Variants in HS3ST5 observed in about 807,000 individuals in gnomAD.
HS3ST5 encodes the protein heparan sulfate glucosamine 3-O-sulfotransferase 5.
A neutral mutation model predicts 25.4 loss-of-function variants in HS3ST5; 10 were observed. That is an observed-to-expected ratio of 0.39 (90% CI 0.24 to 0.67). HS3ST5 has a LOEUF of 0.67. Ranked by LOEUF, HS3ST5 falls within the 30% of genes least tolerant of loss-of-function variation. HS3ST5 has a pLI of 0.44. For missense variants in HS3ST5, 324 were observed against 420.7 expected, an observed-to-expected ratio of 0.77 and a Z score of 2.01; for synonymous variants, 170 against 162.4, an observed-to-expected ratio of 1.05 and a Z score of -0.36.
chr6:114,257,912 T>C (rs978341614), intron 1 of HS3ST5, among the ~76,000 whole-genome samples: 5 of 151,946 alleles, frequency 3.3e-5, no homozygotes, highest in African/African-American at 1.2e-4. Flanking sequence ...TACTTATTGA[T>C]TGATAGATAG....
chr6:114,217,075 T>A (rs1464477261), intron 2 of HS3ST5, among the ~76,000 whole-genome samples: 1 of 152,252 alleles, frequency 6.6e-6, no homozygotes, highest in African/African-American at 2.4e-5. Context: ...TTCATACTAT[T>A]CTAACTGGCC....
At chr6:114,246,659 C>T (rs947958621) in intron 1 of HS3ST5, among the ~76,000 whole-genome samples, 1 of 152,146 alleles carries the variant, frequency 6.6e-6, no homozygotes, top group Non-Finnish European at 1.5e-5. Flanking sequence ...TCCTCCTCTT[C>T]TTAATAGTTA....
chr6:114,253,790 A>AT lies in HS3ST5; in HGVS notation c.-338-25013dup, dbSNP rs1161301971. On this transcript the variant is annotated intron_variant, in intron 1 of 4. Transcript: ENST00000312719. Reference sequence around the variant, plus strand: ...GAGATAGTATTTCAGATATTCATCTATTTTTTTCTCCCTGTGTTTCGTTTT... The same window carrying AT: ...GAGATAGTATTTCAGATATTCATCTATTTTTTTTCTCCCTGTGTTTCGTTTT... 2.0e-5 allele frequency among the ~76,000 whole-genome samples: 3 copies of AT among 152,218 alleles called. No individual in the cohort carries two copies. In the East Asian group the frequency reaches 5.8e-4, roughly 29 times the overall value.
intron 3 of HS3ST5, among the ~76,000 whole-genome samples, chr6:114,083,803 C>T (rs1774604735): frequency 6.6e-6 from 1 of 152,008 alleles, no homozygotes; most frequent in East Asian, 1.9e-4. Flanking sequence ...CTATTATCTC[C>T]GCCTGAAACT....
chr6:114,061,449 A>G (rs17075832), intron 4 of HS3ST5, among the ~76,000 whole-genome samples: 25,515 of 152,244 alleles, frequency 0.17, 2,434 homozygotes, highest in African/African-American at 0.27. Flanking sequence ...ACCAGTCAAA[A>G]TGACACCAAC....
intron 1 of HS3ST5, among the ~76,000 whole-genome samples, chr6:114,273,209 G>A (rs901590988): frequency 7.9e-5 from 12 of 151,980 alleles, no homozygotes; most frequent in African/African-American, 2.7e-4. Context: ...TGAATATGGA[G>A]CCAACAAGGT....
chr6:114,272,771 G>C (rs1344721391), intron 1 of HS3ST5, among the ~76,000 whole-genome samples: 2 of 152,092 alleles, frequency 1.3e-5, no homozygotes, highest in Non-Finnish European at 2.9e-5. Context: ...TGATCAATGA[G>C]GTGAAGGAAC....
chr6:114,333,753 C>T (rs1030108564), intron 1 of HS3ST5, among the ~76,000 whole-genome samples: 4 of 151,698 alleles, frequency 2.6e-5, no homozygotes, highest in Admixed American at 6.6e-5. Context: ...TTACGTATTA[C>T]GGCTAATATT....
chr6:114,097,968 C>A (rs1035696178), intron 3 of HS3ST5, among the ~76,000 whole-genome samples: 6 of 151,830 alleles, frequency 4.0e-5, no homozygotes, highest in African/African-American at 1.5e-4. Flanking sequence ...TTCTTCTCTA[C>A]AATCAAAAGA....
At chr6:114,164,216 T>C (rs1779104652) in intron 3 of HS3ST5, among the ~76,000 whole-genome samples, 1 of 152,184 alleles carries the variant, frequency 6.6e-6, no homozygotes, top group Non-Finnish European at 1.5e-5. Flanking sequence ...ATAAATAATA[T>C]TTGTATAGTT....
At chr6:114,170,269 A>G (rs1050980071) in intron 2 of HS3ST5, among the ~76,000 whole-genome samples, 2 of 152,132 alleles carry the variant, frequency 1.3e-5, no homozygotes, top group East Asian at 1.9e-4. Flanking sequence ...ATGTATGTAC[A>G]TATGTATATT....
At chr6:114,068,748 A>G (rs1231482350) in intron 3 of HS3ST5, among the ~76,000 whole-genome samples, 2 of 152,164 alleles carry the variant, frequency 1.3e-5, no homozygotes, top group Non-Finnish European at 2.9e-5. Context: ...AAAGTTTATT[A>G]TTTCTTTTTA....
At chr6:114,241,141 T>G (rs993940068) in intron 1 of HS3ST5, among the ~76,000 whole-genome samples, 7 of 150,862 alleles carry the variant, frequency 4.6e-5, no homozygotes, top group Non-Finnish European at 8.9e-5. Context: ...AGTTTTTTTT[T>G]TTTTTTTTTT....
chr6:114,311,202 T>C (rs1775514732), intron 1 of HS3ST5, among the ~76,000 whole-genome samples: 1 of 152,156 alleles, frequency 6.6e-6, no homozygotes, highest in Non-Finnish European at 1.5e-5. Flanking sequence ...AAACAAGATG[T>C]ATTACTTTCA....
At chr6:114,100,787 A>G (rs2114820181) in intron 3 of HS3ST5, among the ~76,000 whole-genome samples, 1 of 152,332 alleles carries the variant, frequency 6.6e-6, no homozygotes, top group East Asian at 1.9e-4. Flanking sequence ...TTTAGTTCCA[A>G]AACATACACA....
intron 3 of HS3ST5, among the ~76,000 whole-genome samples, chr6:114,127,679 A>G (rs1407978033): frequency 2.0e-5 from 3 of 152,172 alleles, no homozygotes; most frequent in South Asian, 2.1e-4. Flanking sequence ...CAGGCATACA[A>G]GTGTCCATCA....
At chr6:114,129,767 T>C (rs1361744827) in intron 3 of HS3ST5, among the ~76,000 whole-genome samples, 1 of 152,240 alleles carries the variant, frequency 6.6e-6, no homozygotes, top group East Asian at 1.9e-4. Flanking sequence ...GAGAAAATGT[T>C]TTCTGCCACC....
chr6:114,276,299 G>A (rs553336749), intron 1 of HS3ST5, among the ~76,000 whole-genome samples: 5 of 151,914 alleles, frequency 3.3e-5, no homozygotes, highest in East Asian at 1.9e-4. Context: ...GTACTACGCT[G>A]TAAAAGACAT....
At chr6:114,173,615 T>G (rs899552669) in intron 2 of HS3ST5, among the ~76,000 whole-genome samples, 1 of 152,124 alleles carries the variant, frequency 6.6e-6, no homozygotes, top group Non-Finnish European at 1.5e-5. Flanking sequence ...TCCCAGCACT[T>G]TGGGAGGCTG....
Sources: gnomAD v4.1 joint callset for allele counts (sites outside exome capture counted in the v4.1 genomes callset) on GRCh38, gnomAD v4.1.1 for gene constraint, MANE v1.5 for transcripts, NCBI Gene and HGNC (gene_info 2026-07-23, HGNC 2026-07-21) for gene names.